The following TMEM14B variants were observed in gnomAD, a reference collection of about 807,000 sequenced individuals.
TMEM14B encodes the protein transmembrane protein 14B.
In TMEM14B, 9 loss-of-function variants were observed where a neutral mutation model predicts 14.8. The ratio of observed to expected loss-of-function variants is 0.61; its 90% CI spans 0.37 to 1.06. The LOEUF (loss-of-function observed/expected upper bound fraction) is 1.06, where lower values mean the gene tolerates loss of function less well. TMEM14B is among the 50% of genes least tolerant of loss of function. The probability of loss-of-function intolerance (pLI) is 0.01; values close to 1 mark genes in which losing one functional copy is unlikely to be tolerated. For missense variants in TMEM14B, 128 were observed against 143.6 expected (o/e 0.89, Z 0.56); for synonymous variants, 40 against 51.3 (o/e 0.78, Z 0.94).
At chr6:10,749,547 C>A (rs1332173573) in intron 2 of TMEM14B, 75 bp from the exon 3 acceptor site, 3 of 1,529,938 alleles carry the variant, frequency 2.0e-6, no homozygotes, top group African/African-American at 2.7e-5. Context: ...CTTTTAGCCC[C>A]ATCCTATGAC....
intron 1 of TMEM14B, 55 bp from the exon 2 acceptor site, chr6:10,749,147 T>G: frequency 8.0e-7 from 1 of 1,251,684 alleles, no homozygotes; most frequent in East Asian, 2.3e-5. Context: ...CACTTCTTTC[T>G]GACTGCTGGG....
chr6:10,755,220 T>C lies in TMEM14B; in HGVS notation c.281T>C (p.Ile94Thr). 6.2e-7 allele frequency: 1 copy of C among 1,614,250 alleles called. No individual in the cohort carries two copies. Among genetic ancestry groups the C allele is most frequent in the Non-Finnish European group, 8.5e-7 (1 of 1,180,046 alleles). Residue 94 changes from isoleucine to threonine, a missense_variant, in exon 5 of 6, where the codon ATT (isoleucine) becomes ACT (threonine). Physicochemically the swap from Ile to Thr is moderately conservative, Grantham distance 89 (BLOSUM62 -1). Coordinates refer to ENST00000379542, the MANE Select transcript of TMEM14B (RefSeq NM_030969.5). ...GGAAAATTCATGCCTGTAGGTTTAA[T>C]TGCAGGTGCCAGGTACTTTCATTCT... ...YYGKFMPVGL[I>T]AGASLLMAAK...
At chr6:10,759,396 A>G (rs894312099), downstream of TMEM14B, 18 of 152,100 alleles carry the variant, frequency 1.2e-4, no homozygotes, top group African/African-American at 3.6e-4. Context: ...GGCCTTTGAT[A>G]TTACAAAGGA....
At position 10,755,241 on chromosome 6, in the gene TMEM14B, A is replaced by G; in HGVS notation, c.293+9A>G. The G allele has an allele frequency of 1.9e-6, 3 of 1,614,122 alleles. No individual in the cohort carries two copies. In the South Asian group the frequency reaches 3.3e-5, roughly 18 times the overall value. ...TTAATTGCAGGTGCCAGGTACTTTC[A>G]TTCTATTACTCTTCTTTACCATGTA... On this transcript the variant is annotated intron_variant, in intron 5 of 5. Transcript: ENST00000379542.
At chr6:10,754,663 C>T (rs1019665406) in intron 4 of TMEM14B, among the ~76,000 whole-genome samples, 4 of 152,194 alleles carry the variant, frequency 2.6e-5, no homozygotes, top group Admixed American at 1.3e-4. Flanking sequence ...AAAGTCTTGT[C>T]CCATCAGACC....
upstream of TMEM14B, chr6:10,747,773 C>G (rs2127492690): frequency 6.5e-6 from 1 of 152,744 alleles, no homozygotes; most frequent in Admixed American, 6.5e-5. Flanking sequence ...TTCTCCCCGC[C>G]CTGCCGCGGC....
chr6:10,755,311 A>T (rs1359276411), intron 5 of TMEM14B, 79 bp downstream of exon 5: 1 of 1,601,894 alleles, frequency 6.2e-7, no homozygotes, highest in South Asian at 1.1e-5. Context: ...TCAAAACCTT[A>T]CTTGTTTCAG....
At chr6:10,753,734 C>G (rs1280092510) in intron 4 of TMEM14B, among the ~76,000 whole-genome samples, 1 of 152,068 alleles carries the variant, frequency 6.6e-6, no homozygotes, top group Non-Finnish European at 1.5e-5. Context: ...CCATTCGGTT[C>G]TTGATTGCTC....
rs534489396 is a variant in TMEM14B at position 10,749,121 on chromosome 6, G to C, written c.-44-81G>C. On this transcript the variant is annotated intron_variant, in intron 1 of 5. Coordinates refer to ENST00000379542, the MANE Select transcript of TMEM14B (RefSeq NM_030969.5). ...AGGATACTGAGACTTAGGTTGCATA[G>C]CCTGCAGGTTGGACACACTTCTTTC... The C allele has an allele frequency of 1.7e-5, 15 of 868,138 alleles. No homozygotes were observed. The East Asian group carries it at 3.4e-4, about 20-fold the overall frequency. The allele number at this position is 868,138 out of a possible 1,614,324, so 53.8% of individuals were successfully genotyped here.
At chr6:10,751,559 AT>A (rs954754094) in intron 4 of TMEM14B, among the ~76,000 whole-genome samples, 25 of 152,052 alleles carry the variant, frequency 1.6e-4, no homozygotes, top group Non-Finnish European at 3.4e-4. Context: ...TATTACCCAT[AT>A]TTACCCAGTA....
downstream of TMEM14B, among the ~76,000 whole-genome samples, chr6:10,757,572 A>C (rs890476518): frequency 6.6e-6 from 1 of 152,174 alleles, no homozygotes; most frequent in Non-Finnish European, 1.5e-5. Context: ...TGAATCACCT[A>C]GTTTGGGCTC....
At position 10,756,414 on chromosome 6, in the gene TMEM14B, G is replaced by C. The variant is rs1194029821; in HGVS notation, c.294-53G>C. 1.6e-5 allele frequency: 26 copies of C among 1,599,424 alleles called. 1 individual carries two copies. In the Middle Eastern group the frequency reaches 8.3e-4, roughly 51 times the overall value. On this transcript the variant is annotated intron_variant, in intron 5 of 5. Transcript: ENST00000379542. ...CAGAGTTTAGTTCCTTAAAAACATAGTTGCCTGTTCTATCCTTTACCTGAT... is the reference window on the plus strand; with the variant it reads ...CAGAGTTTAGTTCCTTAAAAACATACTTGCCTGTTCTATCCTTTACCTGAT...
At chr6:10,749,299 C>T (rs1433973570) in intron 2 of TMEM14B, 31 bp downstream of exon 2, 1 of 1,613,314 alleles carries the variant, frequency 6.2e-7, no homozygotes, top group Non-Finnish European at 8.5e-7. Flanking sequence ...TAGAGAGTAG[C>T]CAGGAGCTTC....
At chr6:10,756,430 T>G in intron 5 of TMEM14B, 37 bp from the exon 6 acceptor site, 1 of 1,611,582 alleles carries the variant, frequency 6.2e-7, no homozygotes, top group Non-Finnish European at 8.5e-7. Context: ...TGTTCTATCC[T>G]TTACCTGATG....
intron 5 of TMEM14B, chr6:10,755,545 A>G (rs1014595912): frequency 2.5e-5 from 33 of 1,346,708 alleles, no homozygotes; most frequent in Admixed American, 6.7e-5. Context: ...TGGGGGTCCC[A>G]TATTTCTTAG....
intron 4 of TMEM14B, 140 bp from the exon 5 acceptor site, chr6:10,755,002 A>G (rs533014866): frequency 1.2e-6 from 1 of 868,218 alleles, no homozygotes; most frequent in Non-Finnish European, 1.8e-6. Context: ...GTGGGCAGCT[A>G]GTAATCTCCC....
At chr6:10,754,615 GCA>G (rs1378540771) in intron 4 of TMEM14B, among the ~76,000 whole-genome samples, 1 of 152,200 alleles carries the variant, frequency 6.6e-6, no homozygotes, top group African/African-American at 2.4e-5. Context: ...TATACCTGAA[GCA>G]CACATTGTAC....
intron 5 of TMEM14B, chr6:10,755,583 T>C (rs1458331331): frequency 1.1e-5 from 14 of 1,261,304 alleles, no homozygotes; most frequent in Non-Finnish European, 1.4e-5. Context: ...GTAGAAAATT[T>C]TGCTAAAAGG....
At chr6:10,754,038 C>G (rs758072637) in intron 4 of TMEM14B, among the ~76,000 whole-genome samples, 2 of 152,108 alleles carry the variant, frequency 1.3e-5, no homozygotes, top group Non-Finnish European at 2.9e-5. Flanking sequence ...CTTTGGGAGG[C>G]CAAGGCAGGC....
Sources: gnomAD v4.1 joint callset for allele counts (sites outside exome capture counted in the v4.1 genomes callset) on GRCh38, gnomAD v4.1.1 for gene constraint, MANE v1.5 for transcripts, NCBI Gene and HGNC (gene_info 2026-07-23, HGNC 2026-07-21) for gene names.